MACC1: variants seen among roughly 807,000 people sequenced by gnomAD.
MACC1 encodes the protein metastasis-associated in colon cancer protein 1.
MACC1 carries 79 observed loss-of-function variants against 70.7 expected under a neutral mutation model. That is an observed-to-expected ratio of 1.12 (90% CI 0.93 to 1.35). The LOEUF (loss-of-function observed/expected upper bound fraction) is 1.35, where lower values mean the gene tolerates loss of function less well. Among genes scored for constraint, MACC1 ranks in the 40% most tolerant of loss-of-function variants. The pLI is 0.00. For synonymous variants in MACC1, 361 were observed against 347.2 expected, an observed-to-expected ratio of 1.04 and a Z score of -0.44; for missense variants, 1,106 against 978.1, an observed-to-expected ratio of 1.13 and a Z score of -1.74.
chr7:20,199,041 G>A (rs368295358), intron 1 of MACC1, among the ~76,000 whole-genome samples: 7 of 152,230 alleles, frequency 4.6e-5, no homozygotes, highest in African/African-American at 9.6e-5. Context: ...TCAGCTGCCA[G>A]TATGTAAGGA....
chr7:20,146,432 A>G (rs1354545573), intron 6 of MACC1, among the ~76,000 whole-genome samples: 1 of 152,216 alleles, frequency 6.6e-6, no homozygotes, highest in Non-Finnish European at 1.5e-5. Context: ...ACTCTATGAA[A>G]TTTGCCCTAA....
intron 6 of MACC1, 27 bp from the exon 7 acceptor site, chr7:20,141,185 T>G: frequency 6.8e-7 from 1 of 1,474,296 alleles, no homozygotes; most frequent in South Asian, 1.3e-5. Context: ...TAGATTGGAG[T>G]AGTGTGGAAG....
chr7:20,214,676 T>C (rs937555285), intron 1 of MACC1, among the ~76,000 whole-genome samples: 2 of 152,182 alleles, frequency 1.3e-5, no homozygotes, highest in East Asian at 1.9e-4. Flanking sequence ...GTGAGTGTTA[T>C]AAAGGAAGCT....
At chr7:20,183,532 C>G (rs1782541799) in intron 1 of MACC1, among the ~76,000 whole-genome samples, 2 of 152,154 alleles carry the variant, frequency 1.3e-5, no homozygotes, top group African/African-American at 4.8e-5. Context: ...TGCCTTAAAT[C>G]TCTAAGTTTA....
chr7:20,181,756 C>T (rs559488537), intron 1 of MACC1, among the ~76,000 whole-genome samples: 98 of 151,982 alleles, frequency 6.4e-4, no homozygotes, highest in Non-Finnish European at 8.8e-4. Flanking sequence ...ATTTCCTTCA[C>T]AGTAACCAAA....
intron 4 of MACC1, among the ~76,000 whole-genome samples, chr7:20,160,954 A>T (rs982250341): frequency 2.6e-5 from 4 of 152,158 alleles, no homozygotes; most frequent in African/African-American, 9.6e-5. Flanking sequence ...TCAAGCTTGC[A>T]ATGGCAAATA....
At chr7:20,165,365 C>G (rs1205876988) in intron 2 of MACC1, among the ~76,000 whole-genome samples, 1 of 152,162 alleles carries the variant, frequency 6.6e-6, no homozygotes, top group Non-Finnish European at 1.5e-5. Flanking sequence ...ATTCTGAAAG[C>G]CATTCTAAAA....
At chr7:20,205,051 A>G (rs1230636736) in intron 1 of MACC1, among the ~76,000 whole-genome samples, 1 of 152,114 alleles carries the variant, frequency 6.6e-6, no homozygotes, top group Non-Finnish European at 1.5e-5. Context: ...AGTTTGATAT[A>G]TGAATTCATA....
chr7:20,139,958 G>A lies in MACC1; in HGVS notation c.*988C>T, dbSNP rs1280432931. 1 of 151,990 alleles carries A rather than the reference G, an allele frequency of 6.6e-6. No individual in the cohort carries two copies. The highest frequency in any genetic ancestry group is 6.6e-5 in the Admixed American group (1 of 15,248). 9.4% of individuals were successfully genotyped at this position (151,990 alleles called of 1,614,324 possible). On this transcript the variant is annotated 3_prime_UTR_variant, in exon 7 of 7. Transcript: ENST00000400331. ...GGTAATCAAGTTAATCAAGTTTCTG[G>A]TGGTGGTGGTTTTTAATAACTCGTA... is the stretch of plus-strand genomic sequence containing the variant.
chr7:20,182,817 GA>G (rs1231931419), intron 1 of MACC1, among the ~76,000 whole-genome samples: 5 of 151,242 alleles, frequency 3.3e-5, no homozygotes, highest in South Asian at 4.2e-4. Flanking sequence ...ACAATGTAAT[GA>G]AAAAAAATCC....
At chr7:20,177,711 G>C (rs1257914543) in intron 1 of MACC1, among the ~76,000 whole-genome samples, 1 of 135,558 alleles carries the variant, frequency 7.4e-6, no homozygotes, top group Non-Finnish European at 1.5e-5. Context: ...TCAGAATTTA[G>C]CTGCCTTTGT....
At chr7:20,194,047 A>T (rs1782712862) in intron 1 of MACC1, among the ~76,000 whole-genome samples, 1 of 152,124 alleles carries the variant, frequency 6.6e-6, no homozygotes. Flanking sequence ...GTGACTCCTC[A>T]CTTGCTGGGA....
At position 20,139,499 on chromosome 7, in the gene MACC1, T is replaced by C. The variant is rs1304538126; in HGVS notation, c.*1447A>G. ...GTTAGTATGCATGCCATTTTCTATT[T>C]AACGGTGTCATTTTTTAAAATTATC... On this transcript the variant is annotated 3_prime_UTR_variant, in exon 7 of 7. Transcript: ENST00000400331. 6.6e-6 allele frequency: 1 copy of C among 152,220 alleles called. No homozygotes were observed. Among genetic ancestry groups the C allele is most frequent in the African/African-American group, 2.4e-5 (1 of 41,458 alleles). 9.4% of individuals were successfully genotyped at this position (152,220 alleles called of 1,614,324 possible). A position where few individuals can be genotyped will look rare whatever the true frequency, so the allele number is the denominator to read the frequency against.
At chr7:20,177,647 G>A (rs1034674405) in intron 1 of MACC1, among the ~76,000 whole-genome samples, 19 of 109,314 alleles carry the variant, frequency 1.7e-4, no homozygotes, top group South Asian at 3.2e-4. Context: ...CCATTTTAAC[G>A]CACTTTTTTC....
chr7:20,185,455 A>G (rs1384733527), intron 1 of MACC1, among the ~76,000 whole-genome samples: 1 of 149,556 alleles, frequency 6.7e-6, no homozygotes, highest in Non-Finnish European at 1.5e-5. Flanking sequence ...CAAGCTAAAA[A>G]TGAGATGGTG....
At position 20,158,822 on chromosome 7, in the gene MACC1, T is replaced by G; in HGVS notation, c.1539A>C (p.Arg513Ser). 1 of 1,613,978 alleles carries G rather than the reference T, an allele frequency of 6.2e-7. No homozygotes were observed. Among genetic ancestry groups the G allele is most frequent in the South Asian group, 1.1e-5 (1 of 91,070 alleles). ...TTPDPTPNLK[R>S]LSNLPGYLQK... Reference sequence around the variant, plus strand: ...GCAAATAGCCTGGCAGATTCGAGAGTCTTTTTAGGTTTGGGGTTGGATCAG... The same window carrying G: ...GCAAATAGCCTGGCAGATTCGAGAGGCTTTTTAGGTTTGGGGTTGGATCAG... The change falls in exon 5 of 7, where the codon AGA (arginine) becomes AGC (serine). Residue 513 changes from arginine (R) to serine (S), a missense_variant. By Grantham distance (110) the Arg-to-Ser change is moderately radical. Coordinates refer to ENST00000400331, the MANE Select transcript of MACC1 (RefSeq NM_182762.4).
At chr7:20,160,372 T>C in intron 4 of MACC1, 127 bp from the exon 5 acceptor site, 1 of 1,102,012 alleles carries the variant, frequency 9.1e-7, no homozygotes, top group Non-Finnish European at 1.2e-6. Flanking sequence ...TGATCTCTAG[T>C]CTACTAGCTA....
chr7:20,208,424 T>C (rs145914208), intron 1 of MACC1, among the ~76,000 whole-genome samples: 74 of 152,134 alleles, frequency 4.9e-4, no homozygotes, highest in African/African-American at 1.6e-3. Context: ...GAAGCTGAGG[T>C]GGTCTCAGAT....
rs192752379 is a variant in MACC1 at position 20,194,848 on chromosome 7, T to C, written c.-218+22451A>G. 3.7e-4 allele frequency among the ~76,000 whole-genome samples: 57 copies of C among 152,342 alleles called. No individual in the cohort carries two copies. In the East Asian group the frequency reaches 8.7e-3, roughly 23 times the overall value. On this transcript the variant is annotated intron_variant, in intron 1 of 6. Transcript: ENST00000400331. ...TGCAATCAAAAGGCAGTTTTAAAAATAGAGCATGTTACTTCAGCCTCCTAA... is the reference window on the plus strand; with the variant it reads ...TGCAATCAAAAGGCAGTTTTAAAAACAGAGCATGTTACTTCAGCCTCCTAA...
Sources: allele counts gnomAD v4.1 joint callset (sites outside exome capture counted in the v4.1 genomes callset), GRCh38; gene constraint gnomAD v4.1.1; transcripts MANE v1.5; gene names NCBI Gene and HGNC (gene_info 2026-07-23, HGNC 2026-07-21).